The following SEL1L3 variants were observed in gnomAD, a reference collection of about 807,000 sequenced individuals.
The protein encoded by SEL1L3 is protein sel-1 homolog 3.
A neutral mutation model predicts 142.8 loss-of-function variants in SEL1L3; 76 were observed. The observed-to-expected ratio is 0.53, with a 90% CI of 0.44 to 0.64. The LOEUF is 0.64. Ranked by LOEUF, SEL1L3 falls within the 30% of genes least tolerant of loss-of-function variation. The pLI is 0.00. For synonymous variants in SEL1L3, 504 were observed against 519.6 expected (o/e 0.97, Z 0.41); for missense variants, 1,262 against 1,381.7 (o/e 0.91, Z 1.37).
chr4:25,774,722 G>A (rs898583282), intron 17 of SEL1L3, among the ~76,000 whole-genome samples: 1 of 152,188 alleles, frequency 6.6e-6, no homozygotes, highest in African/African-American at 2.4e-5. Flanking sequence ...TCTGGGCGTG[G>A]TGGTGGGCAC....
At chr4:25,803,976 C>A (rs548597588) in intron 10 of SEL1L3, among the ~76,000 whole-genome samples, 1 of 152,100 alleles carries the variant, frequency 6.6e-6, no homozygotes, top group African/African-American at 2.4e-5. Context: ...TTGTAAGAAA[C>A]CTCTTCCTAT....
At chr4:25,829,964 G>A in intron 6 of SEL1L3, 134 bp downstream of exon 6, 2 of 651,896 alleles carry the variant, frequency 3.1e-6, no homozygotes, top group Admixed American at 5.2e-5. Flanking sequence ...ACTAGCTACA[G>A]GGCAGAGAAT....
chr4:25,758,039 T>C (rs1282324504), intron 21 of SEL1L3, among the ~76,000 whole-genome samples: 2 of 152,202 alleles, frequency 1.3e-5, no homozygotes, highest in Non-Finnish European at 2.9e-5. Flanking sequence ...AAGAGTCAAG[T>C]CTGTTCTGCT....
intron 2 of SEL1L3, among the ~76,000 whole-genome samples, chr4:25,835,774 T>G (rs1715777056): frequency 6.6e-6 from 1 of 152,250 alleles, no homozygotes; most frequent in Admixed American, 6.5e-5. Flanking sequence ...CTACATAAAT[T>G]TGTTCATTTC....
chr4:25,792,495 G>T (rs547683791), intron 11 of SEL1L3, among the ~76,000 whole-genome samples: 1 of 152,224 alleles, frequency 6.6e-6, no homozygotes, highest in Admixed American at 6.5e-5. Flanking sequence ...ACCCATGAGC[G>T]GGTGCTTCAG....
At chr4:25,796,766 C>T (rs1053539787) in intron 11 of SEL1L3, among the ~76,000 whole-genome samples, 3 of 150,126 alleles carry the variant, frequency 2.0e-5, no homozygotes, top group African/African-American at 4.9e-5. Flanking sequence ...GACTCTATCT[C>T]GAAAAAAACA....
At chr4:25,797,153 T>C (rs60148981) in intron 11 of SEL1L3, among the ~76,000 whole-genome samples, 63,244 of 143,216 alleles carry the variant, frequency 0.44, 14,452 homozygotes, top group African/African-American at 0.6. Context: ...CAGGTGAGGG[T>C]GAGAGAGGGA....
chr4:25,732,618 C>T, the SEL1L3 span, among the ~76,000 whole-genome samples: 5 of 152,120 alleles, frequency 3.3e-5, no homozygotes, highest in Non-Finnish European at 5.9e-5. Context: ...TTTTGCCATC[C>T]TCATGGCTAG....
Position 25,767,589 on chromosome 4 carries a change from C to T in SEL1L3, c.2781G>A (p.Leu927=), listed in dbSNP as rs1308428279. 6.2e-7 allele frequency: 1 copy of T among 1,600,028 alleles called. No homozygotes were observed. Among genetic ancestry groups the T allele is most frequent in the African/African-American group, 1.3e-5 (1 of 74,774 alleles). ...AGTATCTCCAAACACAGTTAACACC[C>T]AAGTATCTCCTGGCCAGGTCCTAAG... The part of the protein sequence containing the change: ...EERPDLARRY[L]GVNCVWRYYN... Residue 927 remains leucine, a synonymous_variant, in exon 19 of 24, where the codon TTG becomes TTA. Transcript: ENST00000399878.
At chr4:25,784,150 A>C in intron 14 of SEL1L3, 78 bp downstream of exon 14, 2 of 1,242,272 alleles carry the variant, frequency 1.6e-6, no homozygotes, top group Non-Finnish European at 2.4e-6. Context: ...GAGGCTGGCC[A>C]TTTCCTCTTT....
chr4:25,774,224 T>A (rs1719441991), intron 17 of SEL1L3, among the ~76,000 whole-genome samples: 2 of 152,172 alleles, frequency 1.3e-5, no homozygotes, highest in Admixed American at 1.3e-4. Flanking sequence ...TCAGATAGAA[T>A]ATGGGCCACA....
chr4:25,818,145 C>A lies in SEL1L3; in HGVS notation c.1557G>T (p.Leu519=). Reference sequence around the variant, plus strand: ...AGGCAAAGACTCAATTACCGGTCAGCAGATCCATCTCCAGCAATGCCTGGA... The same window carrying A: ...AGGCAAAGACTCAATTACCGGTCAGAAGATCCATCTCCAGCAATGCCTGGA... ...SLFQALLEMD[L]LTVPRNQNES... Residue 519 remains leucine (L), a synonymous_variant, in exon 9 of 24, where the codon CTG becomes CTT. Coordinates refer to ENST00000399878, the MANE Select transcript of SEL1L3 (RefSeq NM_015187.5). 1 of 1,611,342 alleles carries A rather than the reference C, an allele frequency of 6.2e-7. No individual in the cohort carries two copies. The highest frequency in any genetic ancestry group is 8.5e-7 in the Non-Finnish European group (1 of 1,178,798).
chr4:25,814,866 G>A (rs1355996709), intron 9 of SEL1L3, among the ~76,000 whole-genome samples: 1 of 151,734 alleles, frequency 6.6e-6, no homozygotes, highest in Non-Finnish European at 1.5e-5. Context: ...TCCCAGGGTT[G>A]CTGGAAGATG....
intron 17 of SEL1L3, among the ~76,000 whole-genome samples, chr4:25,768,192 G>A (rs1718892812): frequency 6.6e-6 from 1 of 152,048 alleles, no homozygotes; most frequent in South Asian, 2.1e-4. Context: ...CCTGTGCTTT[G>A]GAGTCCTCTG....
chr4:25,816,143 T>C (rs1714377453), intron 9 of SEL1L3, among the ~76,000 whole-genome samples: 1 of 147,290 alleles, frequency 6.8e-6, no homozygotes, highest in Admixed American at 6.8e-5. Flanking sequence ...TAATATAATA[T>C]ACATATATTA....
At chr4:25,770,754 AAAAAG>A (rs1194900393) in intron 17 of SEL1L3, among the ~76,000 whole-genome samples, 13 of 150,740 alleles carry the variant, frequency 8.6e-5, no homozygotes, top group South Asian at 4.2e-4. Flanking sequence ...AAAAAAAAAA[AAAAAG>A]AAAAGAAAAG....
intron 23 of SEL1L3, among the ~76,000 whole-genome samples, chr4:25,754,050 C>T (rs1303319004): frequency 6.6e-6 from 1 of 151,214 alleles, no homozygotes; most frequent in African/African-American, 2.4e-5. Context: ...CACCTGTAAT[C>T]CCAGCACTTT....
intron 2 of SEL1L3, among the ~76,000 whole-genome samples, chr4:25,842,185 A>C (rs1716209547): frequency 6.6e-6 from 1 of 152,048 alleles, no homozygotes. Context: ...TCATAGGAGC[A>C]GTACCAACAC....
chr4:25,813,282 C>A (rs1264939737), intron 9 of SEL1L3, among the ~76,000 whole-genome samples: 1 of 152,202 alleles, frequency 6.6e-6, no homozygotes, highest in African/African-American at 2.4e-5. Flanking sequence ...TCACAATAGT[C>A]AAGGGGTGGA....
Sources: allele counts gnomAD v4.1 joint callset (sites outside exome capture counted in the v4.1 genomes callset), GRCh38; gene constraint gnomAD v4.1.1; transcripts MANE v1.5; gene names NCBI Gene and HGNC (gene_info 2026-07-23, HGNC 2026-07-21).